The following RGS6 variants were observed in gnomAD, a reference collection of about 807,000 sequenced individuals.
RGS6 encodes regulator of G-protein signaling 6.
A neutral mutation model predicts 78.5 loss-of-function variants in RGS6; 30 were observed. The observed-to-expected ratio is 0.38, with a 90% CI of 0.29 to 0.52. The LOEUF is 0.52. RGS6 is among the 20% of genes least tolerant of loss of function. The pLI, the probability that RGS6 is intolerant of heterozygous loss-of-function variation, is 0.85. For missense variants in RGS6, 495 were observed against 609.7 expected, an observed-to-expected ratio of 0.81 and a Z score of 1.98; for synonymous variants, 206 against 206.0, an observed-to-expected ratio of 1.00 and a Z score of 0.00.
At chr14:72,202,520 A>G (rs1316824328) in intron 2 of RGS6, among the ~76,000 whole-genome samples, 1 of 152,012 alleles carries the variant, frequency 6.6e-6, no homozygotes, top group Non-Finnish European at 1.5e-5. Flanking sequence ...TACACAACCA[A>G]TCGATGGCCT....
intron 2 of RGS6, among the ~76,000 whole-genome samples, chr14:72,105,734 C>T (rs184522976): frequency 7.2e-5 from 11 of 152,246 alleles, no homozygotes; most frequent in Middle Eastern, 3.4e-3. Context: ...AGATTAGAAA[C>T]GCTTATTTAG....
intron 3 of RGS6, among the ~76,000 whole-genome samples, chr14:72,353,961 G>A (rs2079650643): frequency 6.7e-6 from 1 of 148,930 alleles, no homozygotes; most frequent in Admixed American, 6.7e-5. Context: ...TCCAGCCTGG[G>A]TAACAGAGCG....
chr14:71,983,171 GT>G (rs1316682519), intron 2 of RGS6, among the ~76,000 whole-genome samples: 1 of 152,156 alleles, frequency 6.6e-6, no homozygotes, highest in African/African-American at 2.4e-5. Flanking sequence ...AAGTGGTTGG[GT>G]TAGTGACACT....
intron 2 of RGS6, among the ~76,000 whole-genome samples, chr14:72,235,054 G>A (rs992217130): frequency 1.3e-5 from 2 of 152,126 alleles, no homozygotes; most frequent in Non-Finnish European, 2.9e-5. Context: ...ATCTGACGTG[G>A]TATTTATTTA....
At chr14:72,120,325 G>T (rs963391907) in intron 2 of RGS6, among the ~76,000 whole-genome samples, 6 of 152,170 alleles carry the variant, frequency 3.9e-5, no homozygotes, top group African/African-American at 1.2e-4. Flanking sequence ...AAATGCCCCA[G>T]CTACAAAACA....
At chr14:72,172,469 T>C (rs1424009854) in intron 2 of RGS6, among the ~76,000 whole-genome samples, 5 of 152,238 alleles carry the variant, frequency 3.3e-5, no homozygotes, top group Middle Eastern at 6.8e-3. Context: ...CCCATACTTA[T>C]ATGCATATTT....
intron 2 of RGS6, among the ~76,000 whole-genome samples, chr14:72,186,487 T>C (rs1378147815): frequency 6.6e-6 from 1 of 152,200 alleles, no homozygotes; most frequent in Non-Finnish European, 1.5e-5. Flanking sequence ...CTGCTAAGCA[T>C]CTACTTCCTT....
At chr14:72,549,279 T>A (rs2097461138) in intron 17 of RGS6, among the ~76,000 whole-genome samples, 1 of 151,862 alleles carries the variant, frequency 6.6e-6, no homozygotes, top group South Asian at 2.1e-4. Context: ...CCGCAGCAGC[T>A]GAGCTCTGGG....
At chr14:72,331,104 A>G (rs1219536686) in intron 2 of RGS6, among the ~76,000 whole-genome samples, 2 of 152,198 alleles carry the variant, frequency 1.3e-5, no homozygotes, top group Non-Finnish European at 2.9e-5. Flanking sequence ...ATTCTGTTAG[A>G]CACAGAGGAC....
intron 2 of RGS6, among the ~76,000 whole-genome samples, chr14:72,154,587 C>T (rs980597348): frequency 6.6e-6 from 1 of 152,188 alleles, no homozygotes; most frequent in Non-Finnish European, 1.5e-5. Context: ...AGTTTGATCT[C>T]CCTGCATGGT....
At chr14:72,614,408 A>G in the RGS6 span, among the ~76,000 whole-genome samples, 1 of 152,212 alleles carries the variant, frequency 6.6e-6, no homozygotes, top group Non-Finnish European at 1.5e-5. Context: ...CACAGCAGGA[A>G]GAGGAGGAGC....
intron 3 of RGS6, among the ~76,000 whole-genome samples, chr14:72,439,017 G>A (rs140498631): frequency 4.1e-4 from 62 of 152,316 alleles, no homozygotes; most frequent in African/African-American, 1.4e-3. Context: ...TTCCTCCAAA[G>A]AGTCACACGA....
chr14:72,244,353 C>T (rs1013470108), intron 2 of RGS6, among the ~76,000 whole-genome samples: 5 of 151,888 alleles, frequency 3.3e-5, no homozygotes, highest in Non-Finnish European at 5.9e-5. Context: ...ACGAACAGCC[C>T]ACACTTTCTA....
rs796747391 is a variant in RGS6, at chr14:72,319,928, T to C, written c.85-32167T>C. Among the ~76,000 whole-genome samples, 27 of 152,296 alleles carry C rather than the reference T, an allele frequency of 1.8e-4. 1 individual carries two copies. The highest frequency in any genetic ancestry group is 6.0e-4 in the African/African-American group (25 of 41,558). ...CTTTCAATAAATAAAAGATTTGAAT[T>C]TATAGATTGAAGGAGTCTACTATGT... On this transcript the variant is annotated intron_variant, in intron 2 of 17. Coordinates refer to ENST00000553525, the MANE Select transcript of RGS6 (RefSeq NM_001204424.2).
intron 2 of RGS6, among the ~76,000 whole-genome samples, chr14:72,153,710 G>C (rs1393114459): frequency 6.6e-6 from 1 of 152,162 alleles, no homozygotes; most frequent in African/African-American, 2.4e-5. Flanking sequence ...TTTCAAAAGG[G>C]GAGGGGGTGT....
intron 2 of RGS6, among the ~76,000 whole-genome samples, chr14:72,299,942 C>T (rs551579810): frequency 6.6e-6 from 1 of 151,834 alleles, no homozygotes; most frequent in Non-Finnish European, 1.5e-5. Flanking sequence ...CTTTAAAGTG[C>T]CGACTTTTGG....
the RGS6 span, among the ~76,000 whole-genome samples, chr14:71,925,072 A>G: frequency 6.6e-6 from 1 of 151,984 alleles, no homozygotes; most frequent in Non-Finnish European, 1.5e-5. Context: ...CCTTGCCAAC[A>G]CTTGTTATGT....
chr14:71,959,512 G>T (rs573733706), intron 1 of RGS6, among the ~76,000 whole-genome samples: 1 of 152,290 alleles, frequency 6.6e-6, no homozygotes, highest in African/African-American at 2.4e-5. Flanking sequence ...GGTTTTGAGG[G>T]CTGGGCACTA....
intron 13 of RGS6, among the ~76,000 whole-genome samples, chr14:72,500,270 T>C (rs1277022712): frequency 6.6e-6 from 1 of 152,250 alleles, no homozygotes; most frequent in Non-Finnish European, 1.5e-5. Context: ...TACAGTGTTC[T>C]GTCCACTTAC....
Sources: allele counts gnomAD v4.1 joint callset (sites outside exome capture counted in the v4.1 genomes callset), GRCh38; gene constraint gnomAD v4.1.1; transcripts MANE v1.5; gene names NCBI Gene and HGNC (gene_info 2026-07-23, HGNC 2026-07-21).